Variants in ARHGAP6 observed in about 807,000 individuals in gnomAD.
ARHGAP6 encodes rho GTPase-activating protein 6.
Under a neutral mutation model 55.7 loss-of-function variants are expected in ARHGAP6, and 16 were observed. The ratio of observed to expected loss-of-function variants is 0.29; its 90% confidence interval spans 0.19 to 0.44. ARHGAP6 has a LOEUF of 0.44. ARHGAP6 is among the 20% of genes least tolerant of loss of function. The pLI, the probability that ARHGAP6 is intolerant of heterozygous loss-of-function variation, is 1.00. For synonymous variants in ARHGAP6, 382 were observed against 360.9 expected, an observed-to-expected ratio of 1.06 and a Z score of -0.66; for missense variants, 698 against 808.9, an observed-to-expected ratio of 0.86 and a Z score of 1.66.
chrX:11,663,844 T>C (rs753858062), intron 1 of ARHGAP6, among the ~76,000 whole-genome samples: 18 of 112,806 alleles, frequency 1.6e-4, no homozygotes, highest in Admixed American at 1.3e-3. Flanking sequence ...CAGAACAAGA[T>C]GGCAGACATA....
At chrX:11,572,463 T>C (rs2051535377) in intron 1 of ARHGAP6, among the ~76,000 whole-genome samples, 1 of 111,003 alleles carries the variant, frequency 9.0e-6, no homozygotes, top group African/African-American at 3.3e-5. Context: ...CTTGCGATAG[T>C]TTAATGAGAA....
intron 1 of ARHGAP6, among the ~76,000 whole-genome samples, chrX:11,617,793 GC>G (rs777396227): frequency 1.8e-4 from 20 of 111,542 alleles, no homozygotes; most frequent in African/African-American, 6.2e-4. Context: ...AGGTCGTGCT[GC>G]TTGAGCTGAA....
chrX:11,456,889 C>T (rs1352163126), intron 1 of ARHGAP6, among the ~76,000 whole-genome samples: 1 of 111,914 alleles, frequency 8.9e-6, no homozygotes, highest in African/African-American at 3.3e-5. Flanking sequence ...TACTTCTACA[C>T]ACTCATAGGT....
chrX:11,354,290 TCTCTTTCTCTC>T (rs2048899719), intron 1 of ARHGAP6, among the ~76,000 whole-genome samples: 7 of 72,373 alleles, frequency 9.7e-5, no homozygotes, highest in Admixed American at 7.1e-4. Context: ...TCTCTCTCTC[TCTCTTTCTCTC>T]TCTCTCTCTC....
chrX:11,551,524 A>G (rs1478672434), intron 1 of ARHGAP6, among the ~76,000 whole-genome samples: 1 of 111,824 alleles, frequency 8.9e-6, no homozygotes, highest in African/African-American at 3.2e-5. Context: ...GACATTTCAG[A>G]AGATGAGTGT....
intron 1 of ARHGAP6, among the ~76,000 whole-genome samples, chrX:11,553,882 G>C (rs2051295449): frequency 8.9e-6 from 1 of 112,097 alleles, no homozygotes; most frequent in African/African-American, 3.2e-5. Flanking sequence ...ACAGAGTCCA[G>C]TGTGAATACC....
chrX:11,384,407 A>T (rs1352738834), intron 1 of ARHGAP6, among the ~76,000 whole-genome samples: 2 of 112,375 alleles, frequency 1.8e-5, no homozygotes, highest in Admixed American at 1.9e-4. Flanking sequence ...AAAGCATGAC[A>T]GTTTAATCAA....
intron 1 of ARHGAP6, among the ~76,000 whole-genome samples, chrX:11,611,014 C>G (rs1481646252): frequency 8.9e-6 from 1 of 112,741 alleles, no homozygotes; most frequent in Admixed American, 9.4e-5. Context: ...TTCATTTTTA[C>G]TGCCATATTA....
intron 1 of ARHGAP6, among the ~76,000 whole-genome samples, chrX:11,545,150 T>C (rs1048919663): frequency 6.3e-5 from 7 of 111,905 alleles, no homozygotes; most frequent in African/African-American, 2.3e-4. Flanking sequence ...AGGAGTGTTC[T>C]ACATGGTACA....
chrX:11,395,983 C>G (rs1415387783), intron 1 of ARHGAP6, among the ~76,000 whole-genome samples: 1 of 110,821 alleles, frequency 9.0e-6, no homozygotes, highest in Non-Finnish European at 1.9e-5. Flanking sequence ...GAGAGCATGG[C>G]CAAGTAAAAA....
intron 2 of ARHGAP6, among the ~76,000 whole-genome samples, chrX:11,237,915 T>C (rs1031267309): frequency 1.8e-5 from 2 of 111,783 alleles, no homozygotes; most frequent in Non-Finnish European, 3.8e-5. Context: ...CAGTGGAGAA[T>C]AGTCCTGTGC....
chrX:11,307,147 T>C (rs2048246658), intron 1 of ARHGAP6, among the ~76,000 whole-genome samples: 1 of 110,945 alleles, frequency 9.0e-6, no homozygotes, highest in Non-Finnish European at 1.9e-5. Flanking sequence ...AATGAAATAA[T>C]CATGTGTTTT....
At chrX:11,253,842 T>C (rs1420677177) in intron 2 of ARHGAP6, among the ~76,000 whole-genome samples, 1 of 108,696 alleles carries the variant, frequency 9.2e-6, no homozygotes, top group Non-Finnish European at 1.9e-5. Context: ...GAGGTGGAGG[T>C]TGCAGTGAGC....
At chrX:11,605,269 C>A (rs965006682) in intron 1 of ARHGAP6, among the ~76,000 whole-genome samples, 1 of 111,375 alleles carries the variant, frequency 9.0e-6, no homozygotes, top group Non-Finnish European at 1.9e-5. Context: ...GTAAAAATGA[C>A]GAAGCCTGAC....
intron 1 of ARHGAP6, among the ~76,000 whole-genome samples, chrX:11,399,594 T>C (rs933139819): frequency 5.4e-5 from 6 of 111,538 alleles, no homozygotes; most frequent in Admixed American, 9.6e-5. Context: ...GTTTTTGCCA[T>C]TGCTTTTAAT....
At chrX:11,359,009 T>C (rs2048974130) in intron 1 of ARHGAP6, among the ~76,000 whole-genome samples, 1 of 112,385 alleles carries the variant, frequency 8.9e-6, no homozygotes, top group Non-Finnish European at 1.9e-5. Context: ...TAAAAATAAA[T>C]TCAGCTTGAT....
chrX:11,252,332 A>G (rs1569273593), intron 2 of ARHGAP6, among the ~76,000 whole-genome samples: 1 of 110,710 alleles, frequency 9.0e-6, no homozygotes, highest in African/African-American at 3.3e-5. Flanking sequence ...CAATATTGCC[A>G]TTTTTTTTTC....
intron 1 of ARHGAP6, among the ~76,000 whole-genome samples, chrX:11,641,916 CTCA>C (rs2052479313): frequency 9.0e-6 from 1 of 111,219 alleles, no homozygotes; most frequent in Non-Finnish European, 1.9e-5. Context: ...CTCTTCTTTT[CTCA>C]TCATGTGTTT....
At chrX:11,182,216 A>T in intron 5 of ARHGAP6, 98 bp from the exon 6 acceptor site, 1 of 614,408 alleles carries the variant, frequency 1.6e-6, no homozygotes, top group Non-Finnish European at 2.6e-6. Flanking sequence ...GTGCCGTAAC[A>T]TGTAGAGCAA....
Sources: allele counts gnomAD v4.1 joint callset (sites outside exome capture counted in the v4.1 genomes callset), GRCh38; gene constraint gnomAD v4.1.1; transcripts MANE v1.5; gene names NCBI Gene and HGNC (gene_info 2026-07-23, HGNC 2026-07-21).